The following XRCC6 variants were observed in gnomAD, a reference collection of about 807,000 sequenced individuals.
The protein encoded by XRCC6 is X-ray repair cross complementing 6.
A neutral mutation model predicts 65.7 loss-of-function variants in XRCC6; 5 were observed. That is an observed-to-expected ratio of 0.08 (90% CI 0.04 to 0.16). The LOEUF is 0.16. Among genes scored for constraint, XRCC6 ranks in the 10% least tolerant of loss-of-function variants. XRCC6 has a pLI of 1.00. For missense variants in XRCC6, 447 were observed against 738.1 expected, an observed-to-expected ratio of 0.61 and a Z score of 4.57; for synonymous variants, 270 against 270.6, an observed-to-expected ratio of 1.00 and a Z score of 0.02.
rs978019335 is a variant in XRCC6, at chr22:41,659,686, A to G, written c.1522+1334A>G. Among the ~76,000 whole-genome samples, 33 of 152,068 alleles carry G rather than the reference A, an allele frequency of 2.2e-4. No individual in the cohort carries two copies. The East Asian group carries it at 3.3e-3, about 15-fold the overall frequency. On this transcript the variant is annotated intron_variant, in intron 11 of 12. Coordinates refer to ENST00000360079, the MANE Select transcript of XRCC6 (RefSeq NM_001469.5). Reference sequence around the variant, plus strand: ...CTGAGCATAGGCTGGACCTCAGTACATTCATTCATTCATTTGAGACAGGTT... The same window carrying G: ...CTGAGCATAGGCTGGACCTCAGTACGTTCATTCATTCATTTGAGACAGGTT...
chr22:41,653,839 G>T lies in XRCC6; in HGVS notation c.1291+149G>T. 7.8e-6 allele frequency: 8 copies of T among 1,019,956 alleles called. No homozygotes were observed. The South Asian group carries it at 1.4e-4, about 18-fold the overall frequency. The allele number at this position is 1,019,956 out of a possible 1,614,324, so 63.2% of individuals were successfully genotyped here. On this transcript the variant is annotated intron_variant, in intron 9 of 12. Transcript: ENST00000360079. ...TTAAGCTTTCTTGGGTGAATTTAGT[G>T]CACAGCCAGGTAAGGCCACTAAATA... is the stretch of plus-strand genomic sequence containing the variant.
In XRCC6 at chr22:41,649,139, A is replaced by AATATATATATATATATATATATATATAT. The variant is rs1555906700; in HGVS notation, c.961-1560_961-1559insATATATATATATATATATATATATATAT. 8.5e-4 allele frequency among the ~76,000 whole-genome samples: 75 copies of AATATATATATATATATATATATATATAT among 88,670 alleles called. 1 individual carries two copies. The highest frequency in any genetic ancestry group is 3.6e-3 in the Admixed American group (21 of 5,776). The allele number at this position is 88,670 out of a possible 152,430, so 58.2% of individuals were successfully genotyped here. A position where few individuals can be genotyped will look rare whatever the true frequency, so the allele number is the denominator to read the frequency against. On this transcript the variant is annotated intron_variant, in intron 7 of 12. Coordinates refer to ENST00000360079, the MANE Select transcript of XRCC6 (RefSeq NM_001469.5). ...GGGAAGAGAGTACAAAAAAAAAAAA[A>AATATATATATATATATATATATATATAT]ATATATATATATATATATATATATG... is the stretch of plus-strand genomic sequence containing the variant.
At chr22:41,659,640 CTTTTAT>C (rs896322598) in intron 11 of XRCC6, among the ~76,000 whole-genome samples, 1 of 151,316 alleles carries the variant, frequency 6.6e-6, no homozygotes, top group African/African-American at 2.4e-5. Flanking sequence ...ATGCTCACTA[CTTTTAT>C]TTTTATTTTT....
chr22:41,650,549 T>G (rs1162801191), intron 7 of XRCC6, among the ~76,000 whole-genome samples, 174 bp from the exon 8 acceptor site: 1 of 152,208 alleles, frequency 6.6e-6, no homozygotes, highest in African/African-American at 2.4e-5. Flanking sequence ...GTAAAGTACC[T>G]GCAGTCACTC....
intron 3 of XRCC6, among the ~76,000 whole-genome samples, chr22:41,632,002 C>T (rs2067759139): frequency 6.6e-6 from 1 of 152,178 alleles, no homozygotes; most frequent in Non-Finnish European, 1.5e-5. Context: ...GCGGCACGCG[C>T]CTGCAATCGC....
intron 2 of XRCC6, among the ~76,000 whole-genome samples, chr22:41,622,776 T>TAA (rs57682350): frequency 6.7e-6 from 1 of 148,264 alleles, no homozygotes; most frequent in African/African-American, 2.5e-5. Flanking sequence ...CCGTCTGTAC[T>TAA]AAAAAAAAAA....
chr22:41,624,246 T>G (rs889080722), intron 2 of XRCC6, among the ~76,000 whole-genome samples: 2 of 151,582 alleles, frequency 1.3e-5, no homozygotes, highest in African/African-American at 2.4e-5. Flanking sequence ...GTTAGCTGAG[T>G]CTGTGGTGGC....
chr22:41,648,505 C>A (rs546029532), intron 7 of XRCC6, among the ~76,000 whole-genome samples: 2 of 152,034 alleles, frequency 1.3e-5, no homozygotes, highest in Admixed American at 1.3e-4. Flanking sequence ...TTTCCTGTGC[C>A]TTGGGATGAC....
At position 41,661,196 on chromosome 22, in the gene XRCC6, A is replaced by C. The variant is rs2068095717; in HGVS notation, c.1523-135A>C. 10 of 698,566 alleles carry C rather than the reference A, an allele frequency of 1.4e-5. 1 individual carries two copies. Among genetic ancestry groups the C allele is most frequent in the East Asian group, 5.1e-5 (2 of 38,904 alleles). 43.3% of individuals were successfully genotyped at this position (698,566 alleles called of 1,614,324 possible). Reference sequence around the variant, plus strand: ...TTGGAAGGTACTTGGTAAATGCTGGAAAGACATTTCCCTAGACCCCTCCCA... The same window carrying C: ...TTGGAAGGTACTTGGTAAATGCTGGCAAGACATTTCCCTAGACCCCTCCCA... On this transcript the variant is annotated intron_variant, in intron 11 of 12. Transcript: ENST00000360079.
intron 6 of XRCC6, among the ~76,000 whole-genome samples, chr22:41,638,581 T>C (rs2067836889): frequency 6.6e-6 from 1 of 151,964 alleles, no homozygotes; most frequent in Admixed American, 6.6e-5. Context: ...TTCAAGAGAT[T>C]GAGACCATCC....
At chr22:41,635,073 G>A (rs909701304) in intron 3 of XRCC6, among the ~76,000 whole-genome samples, 2 of 152,144 alleles carry the variant, frequency 1.3e-5, no homozygotes, top group Non-Finnish European at 2.9e-5. Context: ...ATTGGTTGCA[G>A]GACTCCCCGT....
chr22:41,661,540 C>CTTTTATCCAA, intron 12 of XRCC6, 96 bp downstream of exon 12: 1 of 1,050,666 alleles, frequency 9.5e-7, no homozygotes, highest in Admixed American at 2.5e-5. Flanking sequence ...AATATCTATT[C>CTTTTATCCAA]ACAGTCTAGT....
chr22:41,625,133 C>T (rs1601524907), intron 2 of XRCC6, among the ~76,000 whole-genome samples: 1 of 152,148 alleles, frequency 6.6e-6, no homozygotes, highest in East Asian at 1.9e-4. Context: ...TGGTGAGATC[C>T]TGTCTCTACT....
At chr22:41,642,417 C>G (rs369101795) in intron 6 of XRCC6, among the ~76,000 whole-genome samples, 1 of 152,040 alleles carries the variant, frequency 6.6e-6, no homozygotes, top group Non-Finnish European at 1.5e-5. Context: ...TTCTCTTTGT[C>G]GATCATTTCC....
chr22:41,633,050 C>G (rs2147077990), intron 3 of XRCC6, among the ~76,000 whole-genome samples: 1 of 151,864 alleles, frequency 6.6e-6, no homozygotes, highest in Admixed American at 6.6e-5. Context: ...TCGCTTGCAC[C>G]TGGGAGGCAG....
At chr22:41,659,407 T>G (rs892388758) in intron 11 of XRCC6, among the ~76,000 whole-genome samples, 6 of 152,070 alleles carry the variant, frequency 3.9e-5, no homozygotes, top group Non-Finnish European at 7.4e-5. Context: ...AGACGGGGTT[T>G]CACTGGGTTA....
chr22:41,658,231 G>A (rs2068063242), intron 10 of XRCC6, 21 bp from the exon 11 acceptor site: 2 of 1,610,528 alleles, frequency 1.2e-6, no homozygotes, highest in East Asian at 2.2e-5. Flanking sequence ...TTTCAGTTGA[G>A]TTACATTATT....
At chr22:41,656,798 C>T in intron 9 of XRCC6, 105 bp from the exon 10 acceptor site, 8 of 1,529,448 alleles carry the variant, frequency 5.2e-6, no homozygotes, top group South Asian at 1.2e-5. Context: ...CCTACGGGGC[C>T]CCAGCCCCAG....
Position 41,656,948 on chromosome 22 carries a change from T to C in XRCC6, c.1337T>C (p.Met446Thr). ...CCCTTTGCTGATGATAAAAGGAAGA[T>C]GCCCTTTACTGAAAAAATCATGGCA... The part of the protein sequence containing the change: ...FLPFADDKRK[M>T]PFTEKIMATP... Residue 446 changes from methionine (M) to threonine (T), a missense_variant, in exon 10 of 13, where the codon ATG (methionine) becomes ACG (threonine). Met to Thr is a moderately conservative substitution (Grantham distance 81). Transcript: ENST00000360079. The C allele has an allele frequency of 1.2e-6, 2 of 1,612,996 alleles. No individual in the cohort carries two copies.
Sources: gnomAD v4.1 joint callset for allele counts (sites outside exome capture counted in the v4.1 genomes callset) on GRCh38, gnomAD v4.1.1 for gene constraint, MANE v1.5 for transcripts, NCBI Gene and HGNC (gene_info 2026-07-23, HGNC 2026-07-21) for gene names.